The following MYO16 variants were observed in gnomAD, a reference collection of about 807,000 sequenced individuals.
MYO16 encodes the protein myosin XVI, also known as unconventional myosin-XVI.
Under a neutral mutation model 205.3 loss-of-function variants are expected in MYO16, and 94 were observed. The observed-to-expected ratio is 0.46, with a 90% confidence interval of 0.39 to 0.54. The LOEUF is 0.54. Among genes scored for constraint, MYO16 ranks in the 20% least tolerant of loss-of-function variants. The pLI, the probability that MYO16 is intolerant of heterozygous loss-of-function variation, is 0.00. For missense variants in MYO16, 2,315 were observed against 2,387.5 expected (o/e 0.97, Z 0.63); for synonymous variants, 988 against 954.0 (o/e 1.04, Z -0.66).
intron 32 of MYO16, among the ~76,000 whole-genome samples, chr13:109,147,176 A>AC (rs1430539131): frequency 7.2e-6 from 1 of 139,244 alleles, no homozygotes; most frequent in Non-Finnish European, 1.5e-5. Flanking sequence ...TCTACTACAG[A>AC]AAAAAAAAAA....
At chr13:108,763,213 G>T (rs1213759035) in intron 4 of MYO16, among the ~76,000 whole-genome samples, 1 of 152,110 alleles carries the variant, frequency 6.6e-6, no homozygotes, top group East Asian at 1.9e-4. Flanking sequence ...CTTAAACATT[G>T]ATATACTTAT....
intron 11 of MYO16, among the ~76,000 whole-genome samples, chr13:108,857,035 A>G (rs1467507521): frequency 6.6e-6 from 1 of 152,154 alleles, no homozygotes; most frequent in East Asian, 1.9e-4. Flanking sequence ...TTCCTCACTT[A>G]TATCTAAATT....
intron 16 of MYO16, among the ~76,000 whole-genome samples, chr13:108,910,526 G>A (rs868657481): frequency 6.6e-6 from 1 of 152,182 alleles, no homozygotes; most frequent in Non-Finnish European, 1.5e-5. Flanking sequence ...GTTGGATGAA[G>A]GTACATCATG....
intron 16 of MYO16, among the ~76,000 whole-genome samples, chr13:108,935,739 G>A (rs1882450327): frequency 6.6e-6 from 1 of 151,954 alleles, no homozygotes; most frequent in Non-Finnish European, 1.5e-5. Context: ...TGCCTGTTCA[G>A]TACGATGTTG....
intron 8 of MYO16, among the ~76,000 whole-genome samples, chr13:108,821,509 C>CT (rs1161340815): frequency 1.8e-4 from 28 of 152,180 alleles, no homozygotes; most frequent in South Asian, 1.0e-3. Flanking sequence ...TAGATATTTT[C>CT]TTTTTAAAAA....
chr13:108,717,624 C>T lies in MYO16; in HGVS notation c.363+4893C>T, dbSNP rs1012247784. On this transcript the variant is annotated intron_variant, in intron 3 of 34. Transcript: ENST00000457511. ...CAGCCTGGGTGACAGAGCAAGACTC[C>T]ATCTCAAAAAAAAAAAAAAAAAAAA... 2.4e-3 allele frequency among the ~76,000 whole-genome samples: 171 copies of T among 72,432 alleles called. 1 individual carries two copies. Among genetic ancestry groups the T allele is most frequent in the African/African-American group, 8.8e-3 (164 of 18,586 alleles). 47.5% of individuals were successfully genotyped at this position (72,432 alleles called of 152,430 possible).
intron 20 of MYO16, among the ~76,000 whole-genome samples, chr13:108,971,802 A>G (rs1884022893): frequency 6.6e-6 from 1 of 152,090 alleles, no homozygotes; most frequent in South Asian, 2.1e-4. Context: ...CACCCAGGTT[A>G]CAAAAACTTG....
At chr13:108,696,992 A>T (rs983652307) in intron 2 of MYO16, among the ~76,000 whole-genome samples, 1 of 151,476 alleles carries the variant, frequency 6.6e-6, no homozygotes, top group African/African-American at 2.4e-5. Context: ...AAAAAAAAAA[A>T]ATACCCTGCC....
chr13:108,901,214 C>A (rs1880690957), intron 15 of MYO16, among the ~76,000 whole-genome samples: 1 of 152,252 alleles, frequency 6.6e-6, no homozygotes, highest in South Asian at 2.1e-4. Context: ...CCTCCATTTA[C>A]CTTGTGATAT....
At chr13:109,080,447 C>T (rs1289634359) in intron 27 of MYO16, among the ~76,000 whole-genome samples, 21 of 152,128 alleles carry the variant, frequency 1.4e-4, no homozygotes, top group Admixed American at 1.4e-3. Context: ...TAGAAATTGT[C>T]CAGGAAGCTG....
At chr13:108,496,181 T>C in the MYO16 span, among the ~76,000 whole-genome samples, 1 of 151,824 alleles carries the variant, frequency 6.6e-6, no homozygotes, top group Admixed American at 6.5e-5. Flanking sequence ...CGCGGGGACT[T>C]CCCAACCGCT....
At chr13:109,150,570 A>C (rs1460052529) in intron 32 of MYO16, among the ~76,000 whole-genome samples, 1 of 152,254 alleles carries the variant, frequency 6.6e-6, no homozygotes, top group Non-Finnish European at 1.5e-5. Flanking sequence ...TGTCAGTCAG[A>C]CCAGAGATAC....
chr13:109,190,091 T>C (rs981301606), intron 34 of MYO16, among the ~76,000 whole-genome samples: 1 of 152,220 alleles, frequency 6.6e-6, no homozygotes, highest in African/African-American at 2.4e-5. Context: ...TCCTTACCTT[T>C]AGGGTTTGTA....
At chr13:109,196,644 A>C (rs1180806157) in intron 34 of MYO16, among the ~76,000 whole-genome samples, 2 of 152,048 alleles carry the variant, frequency 1.3e-5, no homozygotes, top group Non-Finnish European at 2.9e-5. Flanking sequence ...AACTGACAGG[A>C]GCTTGTTTAT....
At chr13:108,927,132 G>A (rs1214720416) in intron 16 of MYO16, among the ~76,000 whole-genome samples, 1 of 152,002 alleles carries the variant, frequency 6.6e-6, no homozygotes, top group African/African-American at 2.4e-5. Flanking sequence ...GAGAGAGAGA[G>A]AGAGAGACTG....
At chr13:108,620,210 A>G (rs1246825052) in intron 1 of MYO16, among the ~76,000 whole-genome samples, 1 of 152,094 alleles carries the variant, frequency 6.6e-6, no homozygotes, top group Non-Finnish European at 1.5e-5. Flanking sequence ...TGTTTGCTAT[A>G]TAAGTTGAAG....
chr13:109,111,803 C>G (rs1011218277), intron 28 of MYO16, among the ~76,000 whole-genome samples: 1 of 152,036 alleles, frequency 6.6e-6, no homozygotes, highest in Non-Finnish European at 1.5e-5. Flanking sequence ...TCTCCTGCCT[C>G]AGCCTCCCAA....
chr13:108,633,245 A>T (rs1301599809), intron 1 of MYO16, among the ~76,000 whole-genome samples: 1 of 152,210 alleles, frequency 6.6e-6, no homozygotes. Flanking sequence ...AGGGGAGTTT[A>T]TTAAGGAGAA....
chr13:108,808,833 A>G (rs1186196786), intron 7 of MYO16, among the ~76,000 whole-genome samples: 1 of 152,192 alleles, frequency 6.6e-6, no homozygotes, highest in Non-Finnish European at 1.5e-5. Context: ...GCCACACATG[A>G]TACATGCCAT....
Sources: allele counts gnomAD v4.1 joint callset (sites outside exome capture counted in the v4.1 genomes callset), GRCh38; gene constraint gnomAD v4.1.1; transcripts MANE v1.5; gene names NCBI Gene and HGNC (gene_info 2026-07-23, HGNC 2026-07-21).